SYN2: variants seen among roughly 807,000 people sequenced by gnomAD.
SYN2 encodes the protein synapsin II, also known as synapsin-2.
SYN2 carries 19 observed loss-of-function variants against 50.9 expected under a neutral mutation model. That is an observed-to-expected ratio of 0.37 (90% CI 0.26 to 0.55). The LOEUF is 0.55. SYN2 is among the 20% of genes least tolerant of loss of function. The probability of loss-of-function intolerance (pLI) is 0.81; values close to 1 mark genes in which losing one functional copy is unlikely to be tolerated. For synonymous variants in SYN2, 255 were observed against 224.9 expected (o/e 1.13, Z -1.20); for missense variants, 587 against 576.4 (o/e 1.02, Z -0.19).
chr3:12,021,592 A>C (rs1694135036), intron 1 of SYN2, among the ~76,000 whole-genome samples: 1 of 152,042 alleles, frequency 6.6e-6, no homozygotes, highest in Non-Finnish European at 1.5e-5. Flanking sequence ...TAAATAAATA[A>C]ATTTTTAAAA....
chr3:12,136,677 G>C (rs776192653), intron 1 of SYN2, among the ~76,000 whole-genome samples: 13 of 152,176 alleles, frequency 8.5e-5, no homozygotes, highest in Non-Finnish European at 1.6e-4. Context: ...TCACTTCCTT[G>C]AGTAACAAGA....
intron 1 of SYN2, among the ~76,000 whole-genome samples, chr3:12,095,939 T>C (rs1052337263): frequency 5.9e-5 from 9 of 152,158 alleles, no homozygotes; most frequent in South Asian, 2.1e-4. Flanking sequence ...GCAGTTCTTA[T>C]GTACGCATCC....
chr3:12,095,810 T>C (rs981212000), intron 1 of SYN2, among the ~76,000 whole-genome samples: 54 of 152,060 alleles, frequency 3.6e-4, no homozygotes, highest in African/African-American at 1.3e-3. Flanking sequence ...AATTATTTTC[T>C]TGGGTGATTG....
chr3:12,166,495 C>T (rs1697801420), intron 7 of SYN2, among the ~76,000 whole-genome samples: 1 of 152,202 alleles, frequency 6.6e-6, no homozygotes, highest in Non-Finnish European at 1.5e-5. Flanking sequence ...AATCCACCTC[C>T]TATTTAGTCT....
At chr3:12,095,277 A>G (rs935718233) in intron 1 of SYN2, among the ~76,000 whole-genome samples, 2 of 151,178 alleles carry the variant, frequency 1.3e-5, no homozygotes, top group East Asian at 2.0e-4. Flanking sequence ...GGGAGCAGTG[A>G]CTAAAGCCCG....
At chr3:12,071,594 T>C in intron 1 of SYN2, 1 of 338,832 alleles carries the variant, frequency 3.0e-6, no homozygotes, top group Non-Finnish European at 5.8e-6. Context: ...GTAGAATGCC[T>C]ATACATATCT....
At chr3:12,056,896 T>C (rs759673470) in intron 1 of SYN2, among the ~76,000 whole-genome samples, 2 of 152,214 alleles carry the variant, frequency 1.3e-5, no homozygotes, top group Non-Finnish European at 1.5e-5. Context: ...TGGAAACATG[T>C]ATATTCTCAC....
intron 1 of SYN2, among the ~76,000 whole-genome samples, chr3:12,044,404 G>A (rs1329355127): frequency 6.6e-6 from 1 of 152,094 alleles, no homozygotes. Flanking sequence ...AGATCCTTCT[G>A]AAAAAGCAAA....
intron 12 of SYN2, among the ~76,000 whole-genome samples, chr3:12,189,483 G>A (rs1331394881): frequency 6.6e-6 from 1 of 152,138 alleles, no homozygotes; most frequent in African/African-American, 2.4e-5. Context: ...TTCTGAGGAG[G>A]GTTACAAGGG....
intron 1 of SYN2, among the ~76,000 whole-genome samples, chr3:12,115,613 C>A (rs1696417323): frequency 6.6e-6 from 1 of 152,066 alleles, no homozygotes. Flanking sequence ...AAACCAGTTC[C>A]TTAGAAAAGG....
intron 7 of SYN2, among the ~76,000 whole-genome samples, chr3:12,162,816 T>C (rs1181794072): frequency 6.6e-6 from 1 of 152,184 alleles, no homozygotes; most frequent in Non-Finnish European, 1.5e-5. Context: ...TTTGCCAGGA[T>C]GGAAAGTTAA....
At chr3:12,150,899 A>G (rs531051689) in intron 4 of SYN2, among the ~76,000 whole-genome samples, 1 of 152,118 alleles carries the variant, frequency 6.6e-6, no homozygotes, top group Non-Finnish European at 1.5e-5. Context: ...TTTTGATCCC[A>G]GCTTCACCTT....
chr3:12,094,349 A>G lies in SYN2; in HGVS notation c.378-46302A>G, dbSNP rs927394074. On this transcript the variant is annotated intron_variant, in intron 1 of 12. Transcript: ENST00000621198. The stretch of plus-strand genomic sequence containing the variant: ...GGAGTGAAAGAGTGTAAAAGACAAC[A>G]TTTATTGAATTCATACCCTTTACTA... Among the ~76,000 whole-genome samples, 23 of 152,246 alleles carry G rather than the reference A, an allele frequency of 1.5e-4. No individual in the cohort carries two copies. In the East Asian group the frequency reaches 3.7e-3, roughly 24 times the overall value.
At position 12,190,541 on chromosome 3, in the gene SYN2, C is replaced by A; in HGVS notation, c.1665C>A (p.Phe555Leu). The A allele has an allele frequency of 6.2e-7, 1 of 1,613,850 alleles. No homozygotes were observed. The change falls in exon 13 of 13, where the codon TTC (phenylalanine) becomes TTA (leucine). Residue 555 changes from phenylalanine to leucine, a missense_variant. By Grantham distance (22) the Phe-to-Leu change is conservative (BLOSUM62 0). Coordinates refer to ENST00000621198, the MANE Select transcript of SYN2 (RefSeq NM_133625.6). ...NAFSFSESSF[F>L]RSSANEDEAK... is the part of the protein sequence containing the mutation. ...TCAGCTTCTCTGAGTCCTCCTTCTT[C>A]CGGTCTTCAGCCAATGAGGATGAAG...
At chr3:12,144,271 C>T (rs1048520187) in intron 3 of SYN2, among the ~76,000 whole-genome samples, 9 of 152,198 alleles carry the variant, frequency 5.9e-5, no homozygotes, top group African/African-American at 2.2e-4. Context: ...AGCCATTGCT[C>T]AACCTCAGTT....
Position 12,153,641 on chromosome 3 carries a change from C to CA in SYN2, c.774+2317dup, listed in dbSNP as rs1489025630. 8 of 1,614,054 alleles carry CA rather than the reference C, an allele frequency of 5.0e-6. No individual in the cohort carries two copies. The African/African-American group carries it at 1.1e-4, about 22-fold the overall frequency. On this transcript the variant is annotated intron_variant, in intron 5 of 12. Coordinates refer to ENST00000621198, the MANE Select transcript of SYN2 (RefSeq NM_133625.6). ...CCTGGTAACCATAGAGCTTTCGTTC[C>CA]AACAGCCAGTCTGTCCAGAGGCACT...
chr3:12,062,174 T>G (rs1348734363), intron 1 of SYN2, among the ~76,000 whole-genome samples: 2 of 152,020 alleles, frequency 1.3e-5, no homozygotes, highest in African/African-American at 4.8e-5. Context: ...TATGAAACAA[T>G]AGATCTATTT....
chr3:12,009,514 T>C (rs1171123231), intron 1 of SYN2, among the ~76,000 whole-genome samples: 2 of 152,218 alleles, frequency 1.3e-5, no homozygotes, highest in African/African-American at 2.4e-5. Context: ...ATGGAACATT[T>C]TGCCCAAGGT....
intron 1 of SYN2, among the ~76,000 whole-genome samples, chr3:12,061,953 A>T (rs1384150494): frequency 1.3e-5 from 2 of 152,090 alleles, no homozygotes; most frequent in Non-Finnish European, 2.9e-5. Context: ...TCCCAACTTG[A>T]TCTGTAGATG....
Sources: allele counts gnomAD v4.1 joint callset (sites outside exome capture counted in the v4.1 genomes callset), GRCh38; gene constraint gnomAD v4.1.1; transcripts MANE v1.5; gene names NCBI Gene and HGNC (gene_info 2026-07-23, HGNC 2026-07-21).